PTPRN2: variants seen among roughly 807,000 people sequenced by gnomAD.
PTPRN2 encodes receptor-type tyrosine-protein phosphatase N2.
In PTPRN2, 74 loss-of-function variants were observed where a neutral mutation model predicts 118.8. That is an observed-to-expected ratio of 0.62 (90% confidence interval 0.52 to 0.76). The LOEUF (loss-of-function observed/expected upper bound fraction) is 0.76, where lower values mean the gene tolerates loss of function less well. PTPRN2 is among the 30% of genes least tolerant of loss of function. The pLI, the probability that PTPRN2 is intolerant of heterozygous loss-of-function variation, is 0.00. For synonymous variants in PTPRN2, 641 were observed against 608.0 expected, an observed-to-expected ratio of 1.05 and a Z score of -0.80; for missense variants, 1,481 against 1,394.4, an observed-to-expected ratio of 1.06 and a Z score of -0.99.
intron 12 of PTPRN2, among the ~76,000 whole-genome samples, chr7:157,737,177 G>A (rs1469749905): frequency 6.6e-6 from 1 of 152,198 alleles, no homozygotes. Context: ...CGGTACACAC[G>A]CCACGTTGCT....
chr7:157,663,602 TG>T (rs1796000754), intron 13 of PTPRN2, among the ~76,000 whole-genome samples: 2 of 152,188 alleles, frequency 1.3e-5, no homozygotes, highest in African/African-American at 4.8e-5. Context: ...GGCCCCTTTC[TG>T]GGCCACCTGC....
At chr7:157,896,625 A>G (rs995504816) in intron 12 of PTPRN2, among the ~76,000 whole-genome samples, 1 of 151,466 alleles carries the variant, frequency 6.6e-6, no homozygotes, top group African/African-American at 2.4e-5. Context: ...GCTGTCCCCC[A>G]GGCTCACGTG....
intron 1 of PTPRN2, among the ~76,000 whole-genome samples, chr7:158,515,687 T>A (rs1365742004): frequency 1.3e-5 from 2 of 152,096 alleles, no homozygotes; most frequent in African/African-American, 4.8e-5. Flanking sequence ...GCCTCTGCAA[T>A]CCCTCTTCCC....
intron 21 of PTPRN2, among the ~76,000 whole-genome samples, chr7:157,553,204 C>T (rs183199929): frequency 1.1e-4 from 17 of 152,324 alleles, no homozygotes; most frequent in African/African-American, 2.4e-4. Context: ...AGCCTCTCTC[C>T]GTTAGGTGGC....
chr7:157,682,718 C>A lies in PTPRN2; in HGVS notation c.2001+7G>T. The A allele has an allele frequency of 6.2e-7, 1 of 1,610,968 alleles. No homozygotes were observed. Among genetic ancestry groups the A allele is most frequent in the South Asian group, 1.1e-5 (1 of 91,024 alleles). On this transcript the variant is annotated splice_region_variant and intron_variant, in intron 13 of 22. Transcript: ENST00000389418. ...GATATACCACTTTTTAAAAAGTCTCCTCTTACCTGGTAGGCGGCAGTGGCA... is the reference window on the plus strand; with the variant it reads ...GATATACCACTTTTTAAAAAGTCTCATCTTACCTGGTAGGCGGCAGTGGCA...
chr7:158,212,329 G>A (rs1827659536), intron 3 of PTPRN2, among the ~76,000 whole-genome samples: 1 of 151,902 alleles, frequency 6.6e-6, no homozygotes, highest in African/African-American at 2.4e-5. Context: ...AGCACAACAG[G>A]GTAACTACAG....
intron 14 of PTPRN2, among the ~76,000 whole-genome samples, chr7:157,633,367 T>G (rs900632371): frequency 1.3e-5 from 2 of 152,304 alleles, no homozygotes; most frequent in Middle Eastern, 3.4e-3. Flanking sequence ...GGGCTCAAAC[T>G]CCTGACCTCG....
chr7:158,493,109 C>T (rs1821580958), intron 1 of PTPRN2, among the ~76,000 whole-genome samples: 1 of 152,242 alleles, frequency 6.6e-6, no homozygotes, highest in Non-Finnish European at 1.5e-5. Context: ...TCTCAAATTG[C>T]TCCTCTGCTG....
rs1585083147 is a variant in PTPRN2, at chr7:157,955,328, C to A, written c.1724-56591G>T. 2.0e-5 allele frequency among the ~76,000 whole-genome samples: 3 copies of A among 151,780 alleles called. No homozygotes were observed. The South Asian group carries it at 6.2e-4, about 32-fold the overall frequency. ...CAAGGAACACAGGGGAGGGTACCAT[C>A]ATGTTTGTGATGCATGGAATTCCTT... On this transcript the variant is annotated intron_variant, in intron 11 of 22. Coordinates refer to ENST00000389418, the MANE Select transcript of PTPRN2 (RefSeq NM_002847.5).
chr7:157,935,478 T>A (rs1484128900), intron 11 of PTPRN2, among the ~76,000 whole-genome samples: 1 of 152,236 alleles, frequency 6.6e-6, no homozygotes, highest in Non-Finnish European at 1.5e-5. Context: ...CTACACGTGG[T>A]TCTTCTGCAC....
intron 14 of PTPRN2, among the ~76,000 whole-genome samples, chr7:157,634,105 G>C (rs1201052754): frequency 6.6e-6 from 1 of 150,724 alleles, no homozygotes; most frequent in Non-Finnish European, 1.5e-5. Context: ...TAGGATTCCC[G>C]TCTGCTCATC....
chr7:158,340,431 T>C (rs1351107090), intron 2 of PTPRN2, among the ~76,000 whole-genome samples: 4 of 38,828 alleles, frequency 1.0e-4, no homozygotes, highest in Non-Finnish European at 1.8e-4. Flanking sequence ...ACACACACTC[T>C]CACCGTAAGA....
intron 11 of PTPRN2, among the ~76,000 whole-genome samples, chr7:158,056,623 C>T (rs1412659806): frequency 2.0e-5 from 3 of 152,222 alleles, no homozygotes; most frequent in Non-Finnish European, 4.4e-5. Context: ...AAAGCTCGGT[C>T]AGCTGCTGGA....
chr7:157,949,324 T>G (rs1428657310), intron 11 of PTPRN2, among the ~76,000 whole-genome samples: 1 of 152,256 alleles, frequency 6.6e-6, no homozygotes, highest in Non-Finnish European at 1.5e-5. Flanking sequence ...TTTTAAGTGG[T>G]TAATTTTATG....
At chr7:158,437,028 C>A (rs76582877) in intron 2 of PTPRN2, among the ~76,000 whole-genome samples, 1 of 152,194 alleles carries the variant, frequency 6.6e-6, no homozygotes, top group Non-Finnish European at 1.5e-5. Flanking sequence ...TAGCTCTCAT[C>A]GCCTCAAACA....
At chr7:158,261,861 C>A (rs1281958292) in intron 3 of PTPRN2, among the ~76,000 whole-genome samples, 2 of 152,220 alleles carry the variant, frequency 1.3e-5, no homozygotes, top group Admixed American at 6.5e-5. Context: ...GACGGGGCTT[C>A]CCGTTATTTC....
rs1176949774 is a variant in PTPRN2 at position 157,977,069 on chromosome 7, T to C, written c.1724-78332A>G. ...TTCCATGAAAAACTATGAGTAGGTA[T>C]GGAAAATAAAACAGATGCAAGGGTA... On this transcript the variant is annotated intron_variant, in intron 11 of 22. Coordinates refer to ENST00000389418, the MANE Select transcript of PTPRN2 (RefSeq NM_002847.5). This position sits in a 1 kb window ranked among gnomAD's most constrained non-coding sequence, Gnocchi z 4.6. Among the ~76,000 whole-genome samples the C allele has an allele frequency of 6.6e-6, 1 of 151,936 alleles. No individual in the cohort carries two copies. Among genetic ancestry groups the C allele is most frequent in the Admixed American group, 6.6e-5 (1 of 15,252 alleles).
At chr7:158,062,500 G>A (rs939004796) in intron 11 of PTPRN2, among the ~76,000 whole-genome samples, 5 of 152,222 alleles carry the variant, frequency 3.3e-5, no homozygotes, top group Non-Finnish European at 7.3e-5. Context: ...GCTCACTGCT[G>A]CACCATGGGA....
intron 15 of PTPRN2, among the ~76,000 whole-genome samples, chr7:157,613,396 G>A (rs1291909308): frequency 6.6e-6 from 1 of 152,216 alleles, no homozygotes; most frequent in Non-Finnish European, 1.5e-5. Flanking sequence ...GGCGGAGGCG[G>A]GTCCGGGCGG....
Sources: gnomAD v4.1 joint callset for allele counts (sites outside exome capture counted in the v4.1 genomes callset) on GRCh38, gnomAD v4.1.1 for gene constraint, Gnocchi (gnomAD v3.1) non-coding constraint, MANE v1.5 for transcripts, NCBI Gene and HGNC (gene_info 2026-07-23, HGNC 2026-07-21) for gene names.